The following MTUS1 variants were observed in gnomAD, a reference collection of about 807,000 sequenced individuals.
MTUS1 encodes microtubule-associated tumor suppressor 1.
Under a neutral mutation model 120.8 loss-of-function variants are expected in MTUS1, and 109 were observed. The ratio of observed to expected loss-of-function variants is 0.90; its 90% CI spans 0.77 to 1.06. The LOEUF (loss-of-function observed/expected upper bound fraction) is 1.06, where lower values mean the gene tolerates loss of function less well. MTUS1 is among the 50% of genes least tolerant of loss of function. MTUS1 has a pLI of 0.00. For missense variants in MTUS1, 2,210 were observed against 1,486.3 expected, an observed-to-expected ratio of 1.49 and a Z score of -8.01; for synonymous variants, 737 against 550.5, an observed-to-expected ratio of 1.34 and a Z score of -4.74.
At chr8:17,654,800 C>T in intron 9 of MTUS1, 134 bp from the exon 10 acceptor site, 2 of 646,294 alleles carry the variant, frequency 3.1e-6, no homozygotes, top group South Asian at 3.7e-5. Context: ...CTCCTCAACA[C>T]ATACAAAGGT....
chr8:17,775,373 C>T (rs1245053664), intron 1 of MTUS1, among the ~76,000 whole-genome samples: 1 of 151,968 alleles, frequency 6.6e-6, no homozygotes, highest in Non-Finnish European at 1.5e-5. Context: ...AGAAAAATAC[C>T]GTACCACCTC....
At chr8:17,730,045 A>T (rs2046460164) in intron 3 of MTUS1, among the ~76,000 whole-genome samples, 1 of 152,046 alleles carries the variant, frequency 6.6e-6, no homozygotes, top group Non-Finnish European at 1.5e-5. Flanking sequence ...GGACACGGAG[A>T]AACTGGAACC....
At chr8:17,682,024 A>C (rs911953205) in intron 7 of MTUS1, among the ~76,000 whole-genome samples, 12 of 152,172 alleles carry the variant, frequency 7.9e-5, no homozygotes, top group African/African-American at 2.7e-4. Context: ...ACACATCTCA[A>C]TTCAACGGAT....
intron 1 of MTUS1, among the ~76,000 whole-genome samples, chr8:17,759,103 G>T (rs904132277): frequency 6.6e-6 from 1 of 151,520 alleles, no homozygotes; most frequent in Admixed American, 6.6e-5. Flanking sequence ...GCATGGTCTT[G>T]ATCTCCTGAC....
chr8:17,783,789 A>G (rs2051079806), intron 1 of MTUS1, among the ~76,000 whole-genome samples: 1 of 152,144 alleles, frequency 6.6e-6, no homozygotes, highest in South Asian at 2.1e-4. Context: ...TCAAAAAACA[A>G]TTCAGTAACA....
At chr8:17,698,810 T>C (rs947273915) in intron 6 of MTUS1, among the ~76,000 whole-genome samples, 2 of 151,992 alleles carry the variant, frequency 1.3e-5, no homozygotes, top group African/African-American at 2.4e-5. Flanking sequence ...CTGTCCAGGG[T>C]TCCTGTGAGA....
At chr8:17,693,030 G>C (rs1817264933) in intron 6 of MTUS1, among the ~76,000 whole-genome samples, 1 of 152,146 alleles carries the variant, frequency 6.6e-6, no homozygotes, top group African/African-American at 2.4e-5. Context: ...CTTCACTGGA[G>C]TCAAGAAGGA....
chr8:17,797,647 C>T (rs146600481), intron 1 of MTUS1, among the ~76,000 whole-genome samples: 220 of 152,178 alleles, frequency 1.4e-3, no homozygotes, highest in African/African-American at 4.9e-3. Context: ...CCACTGTATC[C>T]GCTGCTAAGT....
intron 6 of MTUS1, among the ~76,000 whole-genome samples, chr8:17,695,010 T>A (rs1307366265): frequency 2.0e-5 from 3 of 152,084 alleles, no homozygotes; most frequent in Non-Finnish European, 4.4e-5. Flanking sequence ...GGGATCCAGG[T>A]CAACACCACT....
intron 10 of MTUS1, 120 bp downstream of exon 10, chr8:17,654,441 C>T (rs1807748739): frequency 1.4e-6 from 1 of 707,622 alleles, no homozygotes; most frequent in Non-Finnish European, 2.4e-6. Context: ...CAAGAACACC[C>T]CAGCCTGAAG....
intron 7 of MTUS1, among the ~76,000 whole-genome samples, chr8:17,678,748 CAAAAA>C (rs35213322): frequency 7.5e-6 from 1 of 133,060 alleles, no homozygotes. Flanking sequence ...ATTCCACTTG[CAAAAA>C]AAAAAAAAAA....
chr8:17,754,705 T>G lies in MTUS1; in HGVS notation c.1103A>C (p.Glu368Ala). 6.2e-7 allele frequency: 1 copy of G among 1,614,270 alleles called. No individual in the cohort carries two copies. The highest frequency in any genetic ancestry group is 8.5e-7 in the Non-Finnish European group (1 of 1,180,056). Residue 368 changes from glutamate (E) to alanine (A), a missense_variant, in exon 2 of 15, where the codon GAG becomes GCG. By Grantham distance (107) the Glu-to-Ala change is moderately radical. Transcript: ENST00000693296. ...GTCTTCAGTCTCAGTGACTTTATGC[T>G]CTGGGTTCAGCACTTGAGCTTCGCT... Reference protein sequence around the residue: ...DKSEAQVLNPEHKVTETEDTQ... With the variant: ...DKSEAQVLNPAHKVTETEDTQ...
rs1485900771 is a variant in MTUS1, at chr8:17,656,073, C to T, written c.2906-8G>A. The T allele has an allele frequency of 9.9e-6, 16 of 1,613,648 alleles. No individual in the cohort carries two copies. The highest frequency in any genetic ancestry group is 4.0e-5 in the African/African-American group (3 of 74,898). ...AGGTGGTTGAAGCAGTGACTGAAAA[C>T]AGAGGAGAAAGAAGAGGGAAGAGGT... On this transcript the variant is annotated splice_region_variant and splice_polypyrimidine_tract_variant and intron_variant, in intron 8 of 14. Transcript: ENST00000693296.
At position 17,656,060 on chromosome 8, in the gene MTUS1, C is replaced by G; in HGVS notation, c.2911G>C (p.Ala971Pro). ...LVNLRGELVT[A>P]STTCEKLEKA... Reference sequence around the variant, plus strand: ...TCTAATTTCTCACAGGTGGTTGAAGCAGTGACTGAAAACAGAGGAGAAAGA... The same window carrying G: ...TCTAATTTCTCACAGGTGGTTGAAGGAGTGACTGAAAACAGAGGAGAAAGA... The change falls in exon 9 of 15, where the codon GCT becomes CCT. Residue 971 changes from alanine (A) to proline (P), a missense_variant. By Grantham distance (27) the Ala-to-Pro change is conservative (BLOSUM62 -1). Transcript: ENST00000693296. 1.2e-5 allele frequency: 20 copies of G among 1,614,150 alleles called. No individual in the cohort carries two copies. Among genetic ancestry groups the G allele is most frequent in the Non-Finnish European group, 1.6e-5 (19 of 1,180,020 alleles).
rs773734615 is a variant in MTUS1 at position 17,755,439 on chromosome 8, G to T, written c.369C>A (p.Ser123=). The stretch of plus-strand genomic sequence containing the variant: ...CACTCTGGCCCTCAACTGCTTCTAG[G>T]GAATGACAACTGTGTTGCAGATATT... ...KPKYLQHSCH[S]LEAVEGQSVE... The change falls in exon 2 of 15, where the codon TCC becomes TCA. Residue 123 remains serine (S), a synonymous_variant. Transcript: ENST00000693296. 1 of 1,614,030 alleles carries T rather than the reference G, an allele frequency of 6.2e-7. No homozygotes were observed. Among genetic ancestry groups the T allele is most frequent in the African/African-American group, 1.3e-5 (1 of 74,910 alleles).
chr8:17,730,966 C>T (rs115761171), intron 3 of MTUS1, among the ~76,000 whole-genome samples: 24 of 143,720 alleles, frequency 1.7e-4, no homozygotes, highest in African/African-American at 6.3e-4. Context: ...TAAAATGGCA[C>T]ATTCTGTGCA....
At chr8:17,757,472 A>G (rs2048712402) in intron 1 of MTUS1, among the ~76,000 whole-genome samples, 1 of 152,236 alleles carries the variant, frequency 6.6e-6, no homozygotes, top group Non-Finnish European at 1.5e-5. Context: ...ACACTTAAAA[A>G]TGAAACCATT....
chr8:17,652,834 T>C (rs1351834814), intron 12 of MTUS1, among the ~76,000 whole-genome samples: 1 of 141,366 alleles, frequency 7.1e-6, no homozygotes, highest in Admixed American at 7.3e-5. Flanking sequence ...AGACTCCCTC[T>C]CAAAAAAAAA....
chr8:17,758,121 G>A (rs765338225), intron 1 of MTUS1: 2 of 152,146 alleles, frequency 1.3e-5, no homozygotes, highest in African/African-American at 4.8e-5. Context: ...ATGCCATTTC[G>A]TGTGTTAATT....
Sources: gnomAD v4.1 joint callset for allele counts (sites outside exome capture counted in the v4.1 genomes callset) on GRCh38, gnomAD v4.1.1 for gene constraint, MANE v1.5 for transcripts, NCBI Gene and HGNC (gene_info 2026-07-23, HGNC 2026-07-21) for gene names.